ANKRD24: variants seen among roughly 807,000 people sequenced by gnomAD.
ANKRD24 encodes ankyrin repeat domain-containing protein 24.
ANKRD24 carries 109 observed loss-of-function variants against 127.8 expected under a neutral mutation model. The observed-to-expected ratio is 0.85, with a 90% CI of 0.73 to 1.00. The LOEUF (loss-of-function observed/expected upper bound fraction) is 1.00. Ranked by LOEUF, ANKRD24 falls within the 50% of genes least tolerant of loss-of-function variation. The probability of loss-of-function intolerance (pLI) is 0.00; values close to 1 mark genes in which losing one functional copy is unlikely to be tolerated. For synonymous variants in ANKRD24, 743 were observed against 671.1 expected (o/e 1.11, Z -1.66); for missense variants, 1,648 against 1,570.2 (o/e 1.05, Z -0.84).
Position 4,219,731 on chromosome 19 carries a change from G to T in ANKRD24, c.3144G>T (p.Leu1048=), listed in dbSNP as rs777827710. 6.2e-5 allele frequency: 100 copies of T among 1,611,752 alleles called. No individual in the cohort carries two copies. The East Asian group carries it at 2.2e-3, about 36-fold the overall frequency. The change falls in exon 19 of 22, where the codon CTG becomes CTT. Residue 1048 remains leucine, a synonymous_variant. Transcript: ENST00000318934. ...RQAQSRAQEA[L]DKAKEKDKKI... is the part of the protein sequence containing the mutation. ...CCCAGAGCCGGGCCCAGGAGGCTCT[G>T]GACAAGGCCAAGGAGAAGGACAAGA...
intron 2 of ANKRD24, among the ~76,000 whole-genome samples, chr19:4,188,353 A>C (rs1365699275): frequency 6.9e-6 from 1 of 145,812 alleles, no homozygotes. Context: ...CTGGGATTAC[A>C]GGCATGAGCC....
chr19:4,185,358 C>T (rs1024335508), intron 1 of ANKRD24, among the ~76,000 whole-genome samples: 8 of 151,908 alleles, frequency 5.3e-5, no homozygotes, highest in Non-Finnish European at 7.4e-5. Context: ...GGATGGATGT[C>T]CAGGTGAGTG....
rs997760327 is a variant in ANKRD24 at position 4,198,924 on chromosome 19, GTTTTTGGAGGATA to G, written c.37-751_37-739del. Among the ~76,000 whole-genome samples, 1 of 152,124 alleles carries G rather than the reference GTTTTTGGAGGATA, an allele frequency of 6.6e-6. No homozygotes were observed. Among genetic ancestry groups the G allele is most frequent in the African/African-American group, 2.4e-5 (1 of 41,434 alleles). On this transcript the variant is annotated intron_variant, in intron 2 of 21. Coordinates refer to ENST00000318934, the MANE Select transcript of ANKRD24 (RefSeq NM_001393985.1). The surrounding 1 kb of genome is among the most constrained non-coding windows in gnomAD (Gnocchi z 6.1). ...CAGTTTGGGAGAACATTTGAGGGAT[GTTTTTGGAGGATA>G]TTTTTGGGACATGACGGTATCATTG...
chr19:4,202,127 C>G, intron 6 of ANKRD24, 37 bp downstream of exon 6: 2 of 1,579,042 alleles, frequency 1.3e-6, no homozygotes, highest in Non-Finnish European at 1.7e-6. Context: ...TCCCTTGGCC[C>G]CTACTACTCC....
At chr19:4,224,216 C>T (rs773631887) in intron 21 of ANKRD24, 24 bp downstream of exon 21, 21 of 1,600,224 alleles carry the variant, frequency 1.3e-5, no homozygotes, top group Non-Finnish European at 1.8e-5. Context: ...CTCCTGGGTA[C>T]CCGGTGGCTT....
At chr19:4,201,826 A>C (rs977513971) in intron 5 of ANKRD24, among the ~76,000 whole-genome samples, 200 bp from the exon 6 acceptor site, 1 of 152,128 alleles carries the variant, frequency 6.6e-6, no homozygotes, top group African/African-American at 2.4e-5. Flanking sequence ...GTTCAAGCCT[A>C]CAGTGAGCTA....
chr19:4,217,842 G>A lies in ANKRD24; in HGVS notation c.2682G>A (p.Glu894=). ...CTGAGCTGCCTGCGGCCTGCGAGGA[G>A]GCGCGGCAGGGCCTGGCCGAGCTGC... is the stretch of plus-strand genomic sequence containing the variant. The part of the protein sequence containing the change: ...RVAELPAACE[E]ARQGLAELRE... Residue 894 remains glutamate (E), a synonymous_variant, in exon 18 of 22, where the codon GAG becomes GAA. Transcript: ENST00000318934. The A allele has an allele frequency of 2.8e-6, 4 of 1,435,172 alleles. No homozygotes were observed. Among genetic ancestry groups the A allele is most frequent in the Non-Finnish European group, 2.7e-6 (3 of 1,099,762 alleles). 88.9% of individuals were successfully genotyped at this position (1,435,172 alleles called of 1,614,324 possible). A position where few individuals can be genotyped will look rare whatever the true frequency, so the allele number is the denominator to read the frequency against.
intron 1 of ANKRD24, among the ~76,000 whole-genome samples, chr19:4,185,562 A>T (rs74556307): frequency 0.021 from 3,147 of 152,166 alleles, 141 homozygotes; most frequent in East Asian, 0.18. Flanking sequence ...GGCCTGCCTG[A>T]CCTCCGTGCC....
intron 1 of ANKRD24, among the ~76,000 whole-genome samples, chr19:4,185,669 C>T (rs887083803): frequency 6.6e-6 from 1 of 152,198 alleles, no homozygotes; most frequent in African/African-American, 2.4e-5. Context: ...AGCCATTGCC[C>T]CAGACCTCCA....
intron 15 of ANKRD24, among the ~76,000 whole-genome samples, chr19:4,214,378 T>A (rs1017878098): frequency 1.1e-4 from 16 of 151,998 alleles, no homozygotes; most frequent in African/African-American, 3.6e-4. Context: ...TGTTCCCCAG[T>A]CTGGTCTCGA....
chr19:4,187,645 G>A lies in ANKRD24; in HGVS notation c.36+1184G>A, dbSNP rs1366045943. On this transcript the variant is annotated intron_variant, in intron 2 of 21. Transcript: ENST00000318934. ...TGGCGGCCAATTCAGGGCACAGATG[G>A]GGAGGATGAAAGGGAGGGCTCACCT... Among the ~76,000 whole-genome samples, 3 of 152,272 alleles carry A rather than the reference G, an allele frequency of 2.0e-5. No individual in the cohort carries two copies. In the East Asian group the frequency reaches 5.8e-4, roughly 29 times the overall value.
chr19:4,207,795 T>G lies in ANKRD24; in HGVS notation c.659T>G (p.Leu220Arg). Residue 220 changes from leucine to arginine, a missense_variant, in exon 10 of 22, where the codon CTG (leucine) becomes CGG (arginine). Transcript: ENST00000318934. ...QDLQGRTALM[L>R]ACEGASPETV... ...TCCCCTGGTAGGACGGCCCTGATGC[T>G]GGCCTGTGAGGGGGCCAGCCCCGAA... 1 of 1,572,774 alleles carries G rather than the reference T, an allele frequency of 6.4e-7. No individual in the cohort carries two copies. Among genetic ancestry groups the G allele is most frequent in the Non-Finnish European group, 8.6e-7 (1 of 1,159,786 alleles).
intron 1 of ANKRD24, 23 bp from the exon 2 acceptor site, chr19:4,186,367 A>T: frequency 6.4e-7 from 1 of 1,557,392 alleles, no homozygotes; most frequent in South Asian, 1.2e-5. Flanking sequence ...CCCTCACCTT[A>T]CCCCCACCCT....
chr19:4,208,108 G>C (rs1969501174), intron 10 of ANKRD24, 140 bp downstream of exon 10: 1 of 942,666 alleles, frequency 1.1e-6, no homozygotes, highest in Admixed American at 3.7e-5. Flanking sequence ...ATTCTACTCA[G>C]AACAGTTTCA....
At position 4,217,766 on chromosome 19, in the gene ANKRD24, C is replaced by G. The variant is rs199645648; in HGVS notation, c.2606C>G (p.Thr869Arg). 7.7e-7 allele frequency: 1 copy of G among 1,302,786 alleles called. No homozygotes were observed. The highest frequency in any genetic ancestry group is 9.7e-7 in the Non-Finnish European group (1 of 1,029,308). 80.7% of individuals were successfully genotyped at this position (1,302,786 alleles called of 1,614,324 possible). A position where few individuals can be genotyped will look rare whatever the true frequency, so the allele number is the denominator to read the frequency against. ...AGGGCCACGGGGGAGCAGCAGCGCACGGCGGCCGCGGAACTGGGCCGGGCA... is the reference window on the plus strand; with the variant it reads ...AGGGCCACGGGGGAGCAGCAGCGCAGGGCGGCCGCGGAACTGGGCCGGGCA... ...TARATGEQQR[T>R]AAAELGRARD... The change falls in exon 18 of 22, where the codon ACG becomes AGG. Residue 869 changes from threonine to arginine, a missense_variant. By Grantham distance (71) the Thr-to-Arg change is moderately conservative. Coordinates refer to ENST00000318934, the MANE Select transcript of ANKRD24 (RefSeq NM_001393985.1).
At chr19:4,188,448 A>G (rs961505051) in intron 2 of ANKRD24, among the ~76,000 whole-genome samples, 3 of 135,784 alleles carry the variant, frequency 2.2e-5, no homozygotes, top group African/African-American at 8.5e-5. Flanking sequence ...CAGTGGTGCT[A>G]TCTCAACCGA....
At chr19:4,187,637 C>T (rs1472452048) in intron 2 of ANKRD24, among the ~76,000 whole-genome samples, 2 of 152,190 alleles carry the variant, frequency 1.3e-5, no homozygotes, top group African/African-American at 2.4e-5. Flanking sequence ...CAATTCAGGG[C>T]ACAGATGGGG....
chr19:4,224,206 C>G lies in ANKRD24; in HGVS notation c.3363+14C>G, dbSNP rs930523974. Reference sequence around the variant, plus strand: ...TATGCCATTCAGGTGAGTGGCCCAGCTCCTGGGTACCCGGTGGCTTTGGGC... The same window carrying G: ...TATGCCATTCAGGTGAGTGGCCCAGGTCCTGGGTACCCGGTGGCTTTGGGC... On this transcript the variant is annotated intron_variant, in intron 21 of 21. Transcript: ENST00000318934. 2 of 1,605,798 alleles carry G rather than the reference C, an allele frequency of 1.2e-6. No individual in the cohort carries two copies. Among genetic ancestry groups the G allele is most frequent in the Non-Finnish European group, 1.7e-6 (2 of 1,176,020 alleles).
In ANKRD24 at chr19:4,207,587, C is replaced by T. The variant is rs758248905; in HGVS notation, c.624C>T (p.Asn208=). The change falls in exon 9 of 22, where the codon AAC becomes AAT. Residue 208 remains asparagine, a synonymous_variant. Transcript: ENST00000318934. ...TACTGCAGCAAGGGGCTGCCGCGAA[C>T]GATCAGGACCTGCAAGGCAGGTGAG... The part of the protein sequence containing the change: ...RLLLQQGAAA[N]DQDLQGRTAL... The T allele has an allele frequency of 2.6e-5, 42 of 1,613,796 alleles. No homozygotes were observed. Among genetic ancestry groups the T allele is most frequent in the African/African-American group, 4.0e-5 (3 of 74,942 alleles).
Sources: gnomAD v4.1 joint callset for allele counts (sites outside exome capture counted in the v4.1 genomes callset) on GRCh38, gnomAD v4.1.1 for gene constraint, Gnocchi (gnomAD v3.1) non-coding constraint, MANE v1.5 for transcripts, NCBI Gene and HGNC (gene_info 2026-07-23, HGNC 2026-07-21) for gene names.